The following SPNS3 variants were observed in gnomAD, a reference collection of about 807,000 sequenced individuals.
The protein encoded by SPNS3 is SPNS lysolipid transporter 3, sphingosine-1-phosphate (putative), also known as protein spinster homolog 3.
Under a neutral mutation model 54.4 loss-of-function variants are expected in SPNS3, and 51 were observed. The ratio of observed to expected loss-of-function variants is 0.94; its 90% CI spans 0.75 to 1.18. SPNS3 has a LOEUF of 1.18. Among genes scored for constraint, SPNS3 ranks in the 50% most tolerant of loss-of-function variants. The pLI is 0.00. For missense variants in SPNS3, 669 were observed against 677.4 expected, an observed-to-expected ratio of 0.99 and a Z score of 0.14; for synonymous variants, 309 against 294.7, an observed-to-expected ratio of 1.05 and a Z score of -0.50.
chr17:4,447,556 C>G (rs1971032212), intron 5 of SPNS3, among the ~76,000 whole-genome samples: 1 of 152,212 alleles, frequency 6.6e-6, no homozygotes, highest in Non-Finnish European at 1.5e-5. Context: ...TGGAGCCAGC[C>G]CAGTGCCGGG....
intron 8 of SPNS3, among the ~76,000 whole-genome samples, chr17:4,473,885 G>A (rs1050613886): frequency 4.6e-5 from 7 of 152,056 alleles, no homozygotes; most frequent in East Asian, 1.9e-4. Context: ...GGAGTGGTGC[G>A]GAAACCTGGG....
At chr17:4,458,582 T>C (rs1204723915) in intron 8 of SPNS3, among the ~76,000 whole-genome samples, 2 of 73,208 alleles carry the variant, frequency 2.7e-5, no homozygotes, top group Non-Finnish European at 7.0e-5. Flanking sequence ...TCTTTCTTCC[T>C]TCCCTCCTTT....
At chr17:4,447,315 G>T (rs904478108) in intron 5 of SPNS3, among the ~76,000 whole-genome samples, 3 of 152,232 alleles carry the variant, frequency 2.0e-5, no homozygotes, top group Admixed American at 2.0e-4. Context: ...CAAGCCGCAG[G>T]GTCAGGGTGT....
chr17:4,482,375 G>A (rs545644832), intron 9 of SPNS3: 205 of 152,302 alleles, frequency 1.3e-3, no homozygotes, highest in African/African-American at 2.9e-3. Flanking sequence ...CAGTGGGTCC[G>A]TGCTGGGGTC....
intron 8 of SPNS3, among the ~76,000 whole-genome samples, chr17:4,463,708 C>A (rs1165285585): frequency 4.1e-5 from 6 of 147,504 alleles, no homozygotes; most frequent in African/African-American, 1.5e-4. Flanking sequence ...CACTGCACTC[C>A]AGCCGGGCAA....
chr17:4,449,965 C>G (rs974265071), intron 7 of SPNS3, among the ~76,000 whole-genome samples: 82 of 152,226 alleles, frequency 5.4e-4, no homozygotes, highest in Middle Eastern at 6.8e-3. Context: ...ACCCTGTTCT[C>G]CAAGAGCTCC....
chr17:4,471,694 C>T (rs60770766), intron 8 of SPNS3, among the ~76,000 whole-genome samples: 5,370 of 150,154 alleles, frequency 0.036, 325 homozygotes, highest in African/African-American at 0.12. Flanking sequence ...TCAAACTCCT[C>T]GGCTCAAGTG....
intron 1 of SPNS3, among the ~76,000 whole-genome samples, chr17:4,436,193 G>C (rs1970715419): frequency 6.6e-6 from 1 of 152,198 alleles, no homozygotes; most frequent in South Asian, 2.1e-4. Flanking sequence ...AGGCCGGGCT[G>C]GGAGCTCAGG....
chr17:4,465,183 T>C (rs1331463570), intron 8 of SPNS3, among the ~76,000 whole-genome samples: 1 of 152,188 alleles, frequency 6.6e-6, no homozygotes, highest in Non-Finnish European at 1.5e-5. Flanking sequence ...TGGCAGTCGA[T>C]TCAGCTGTTG....
At chr17:4,461,497 C>A (rs1054869325) in intron 8 of SPNS3, among the ~76,000 whole-genome samples, 1 of 150,356 alleles carries the variant, frequency 6.7e-6, no homozygotes, top group African/African-American at 2.4e-5. Flanking sequence ...CCCTATCTGG[C>A]TGGCTTGTGC....
At chr17:4,471,983 C>T (rs187780659) in intron 8 of SPNS3, among the ~76,000 whole-genome samples, 29 of 152,168 alleles carry the variant, frequency 1.9e-4, no homozygotes, top group African/African-American at 6.0e-4. Context: ...CTTAGCCTCC[C>T]GAGTAGCTGG....
intron 9 of SPNS3, among the ~76,000 whole-genome samples, chr17:4,480,613 C>T (rs1243425850): frequency 6.6e-6 from 1 of 151,342 alleles, no homozygotes; most frequent in East Asian, 2.0e-4. Flanking sequence ...AATGATTAAC[C>T]TGGCAGAGCC....
Position 4,486,337 on chromosome 17 carries a change from T to C in SPNS3, c.1278+11T>C. 1 of 1,599,862 alleles carries C rather than the reference T, an allele frequency of 6.3e-7. No individual in the cohort carries two copies. Among genetic ancestry groups the C allele is most frequent in the Non-Finnish European group, 8.5e-7 (1 of 1,173,816 alleles). ...TATCTCACAGGACTTGTAAGACGTGTCTGCGTGTGTGGGGTGGGGAGGGTC... is the reference window on the plus strand; with the variant it reads ...TATCTCACAGGACTTGTAAGACGTGCCTGCGTGTGTGGGGTGGGGAGGGTC... On this transcript the variant is annotated intron_variant, in intron 10 of 11. Transcript: ENST00000355530. The surrounding 1 kb of genome is among the most constrained non-coding windows in gnomAD (Gnocchi z 5.5).
rs773889868 is a variant in SPNS3, at chr17:4,486,218, T to A, written c.1180-10T>A. 6.5e-7 allele frequency: 1 copy of A among 1,530,092 alleles called. No homozygotes were observed. The highest frequency in any genetic ancestry group is 2.2e-5 in the Admixed American group (1 of 45,196). The allele number at this position is 1,530,092 out of a possible 1,614,324, so 94.8% of individuals were successfully genotyped here. ...TTGGGGTGCCCCCCTGCTGTGCCTATGTTTTGCAGTCTGTGGTGGTGCCCA... is the reference window on the plus strand; with the variant it reads ...TTGGGGTGCCCCCCTGCTGTGCCTAAGTTTTGCAGTCTGTGGTGGTGCCCA... On this transcript the variant is annotated splice_polypyrimidine_tract_variant and intron_variant, in intron 9 of 11. Coordinates refer to ENST00000355530, the MANE Select transcript of SPNS3 (RefSeq NM_182538.5). The surrounding 1 kb of genome is among the most constrained non-coding windows in gnomAD (Gnocchi z 5.5).
At chr17:4,454,868 C>A (rs151178359) in intron 8 of SPNS3, among the ~76,000 whole-genome samples, 2,268 of 151,242 alleles carry the variant, frequency 0.015, 53 homozygotes, top group African/African-American at 0.053. Context: ...CGTGATCCAC[C>A]CACCTCAGCC....
At chr17:4,460,176 G>A (rs964036600) in intron 8 of SPNS3, among the ~76,000 whole-genome samples, 6 of 152,146 alleles carry the variant, frequency 3.9e-5, no homozygotes, top group Non-Finnish European at 5.9e-5. Context: ...GGAGAGGGAC[G>A]TGAGGACAGA....
intron 8 of SPNS3, among the ~76,000 whole-genome samples, chr17:4,456,620 G>A (rs1466466673): frequency 2.0e-5 from 3 of 152,092 alleles, no homozygotes; most frequent in African/African-American, 4.8e-5. Flanking sequence ...CTACCTTTCA[G>A]GTTCAAGCAA....
chr17:4,446,239 C>A, intron 4 of SPNS3, 40 bp downstream of exon 4: 1 of 1,578,266 alleles, frequency 6.3e-7, no homozygotes, highest in South Asian at 1.1e-5. Context: ...AGGTGGTAAA[C>A]TGAGGCCCAA....
intron 9 of SPNS3, among the ~76,000 whole-genome samples, chr17:4,485,852 C>A (rs1236730688): frequency 3.3e-5 from 5 of 152,248 alleles, no homozygotes; most frequent in African/African-American, 1.2e-4. Flanking sequence ...CATGCAGACA[C>A]CTGGCATGCA....
Sources: gnomAD v4.1 joint callset for allele counts (sites outside exome capture counted in the v4.1 genomes callset) on GRCh38, gnomAD v4.1.1 for gene constraint, Gnocchi (gnomAD v3.1) non-coding constraint, MANE v1.5 for transcripts, NCBI Gene and HGNC (gene_info 2026-07-23, HGNC 2026-07-21) for gene names.